LINGO2: variants seen among roughly 807,000 people sequenced by gnomAD.
The protein encoded by LINGO2 is leucine-rich repeat and immunoglobulin-like domain-containing nogo receptor-interacting protein 2.
A neutral mutation model predicts 30.6 loss-of-function variants in LINGO2; 14 were observed. That is an observed-to-expected ratio of 0.46 (90% CI 0.30 to 0.72). LINGO2 has a LOEUF of 0.72. LINGO2 is among the 30% of genes least tolerant of loss of function. The pLI is 0.07. For synonymous variants in LINGO2, 317 were observed against 288.5 expected (o/e 1.10, Z -1.00); for missense variants, 729 against 751.7 (o/e 0.97, Z 0.35).
At chr9:29,049,992 T>G in the LINGO2 span, among the ~76,000 whole-genome samples, 1 of 152,262 alleles carries the variant, frequency 6.6e-6, no homozygotes, top group South Asian at 2.1e-4. Flanking sequence ...CTTTAGATGA[T>G]GGATATACCT....
At chr9:28,613,838 G>C (rs571777207) in intron 1 of LINGO2, among the ~76,000 whole-genome samples, 1 of 152,170 alleles carries the variant, frequency 6.6e-6, no homozygotes, top group African/African-American at 2.4e-5. Flanking sequence ...TTATGGATGA[G>C]TGCAGCAGTG....
chr9:28,717,577 TAC>T, the LINGO2 span, among the ~76,000 whole-genome samples: 3 of 152,068 alleles, frequency 2.0e-5, no homozygotes, highest in African/African-American at 7.2e-5. Context: ...AGAGCAAATG[TAC>T]ACAGAGTCAT....
At chr9:29,048,940 G>C in the LINGO2 span, among the ~76,000 whole-genome samples, 4 of 152,210 alleles carry the variant, frequency 2.6e-5, no homozygotes, top group East Asian at 7.7e-4. Context: ...GTAAGCACGG[G>C]CAACCAAAGC....
At chr9:28,652,168 C>T (rs1828132384) in intron 1 of LINGO2, among the ~76,000 whole-genome samples, 2 of 152,066 alleles carry the variant, frequency 1.3e-5, no homozygotes, top group Admixed American at 1.3e-4. Flanking sequence ...CCTTTTCTCA[C>T]TTCTCCCTCC....
chr9:28,047,320 C>A (rs557667868), intron 4 of LINGO2, among the ~76,000 whole-genome samples: 1 of 152,244 alleles, frequency 6.6e-6, no homozygotes, highest in South Asian at 2.1e-4. Context: ...GCAGGGAGTT[C>A]TCCCAGCAGC....
chr9:28,550,452 T>C (rs1175699872), intron 1 of LINGO2, among the ~76,000 whole-genome samples: 2 of 151,852 alleles, frequency 1.3e-5, no homozygotes, highest in Non-Finnish European at 2.9e-5. Flanking sequence ...ATTAGTTCTA[T>C]ATAATTATTT....
At chr9:28,199,728 A>AT (rs932368719) in intron 4 of LINGO2, among the ~76,000 whole-genome samples, 1 of 152,122 alleles carries the variant, frequency 6.6e-6, no homozygotes, top group Non-Finnish European at 1.5e-5. Flanking sequence ...CTGAATTAAC[A>AT]TTTTTTCACA....
intron 4 of LINGO2, among the ~76,000 whole-genome samples, chr9:28,233,061 T>TATATATATATAAAA (rs60875467): frequency 4.2e-5 from 5 of 118,818 alleles, no homozygotes; most frequent in African/African-American, 1.4e-4. Context: ...TATATATATA[T>TATATATATATAAAA]TAGATATATA....
intron 3 of LINGO2, among the ~76,000 whole-genome samples, chr9:28,314,926 A>G (rs1824781090): frequency 6.6e-6 from 1 of 150,416 alleles, no homozygotes; most frequent in Admixed American, 6.7e-5. Context: ...CGGAGCTTGC[A>G]GTGAGCCGAG....
At chr9:28,223,234 A>T (rs1362070851) in intron 4 of LINGO2, among the ~76,000 whole-genome samples, 3 of 152,212 alleles carry the variant, frequency 2.0e-5, no homozygotes, top group Non-Finnish European at 4.4e-5. Flanking sequence ...GAGGCTGAGA[A>T]GTCCAAGATC....
intron 4 of LINGO2, among the ~76,000 whole-genome samples, chr9:28,152,352 A>G (rs1356507802): frequency 6.6e-6 from 1 of 152,064 alleles, no homozygotes; most frequent in Non-Finnish European, 1.5e-5. Flanking sequence ...CTCTGCACAC[A>G]TTGGCTCCTC....
chr9:29,041,702 T>C, the LINGO2 span, among the ~76,000 whole-genome samples: 13 of 152,120 alleles, frequency 8.5e-5, no homozygotes, highest in African/African-American at 2.4e-5. Flanking sequence ...TATACATGTT[T>C]TAGCAAAAAC....
intron 4 of LINGO2, among the ~76,000 whole-genome samples, chr9:28,156,095 T>A (rs950026842): frequency 2.0e-5 from 3 of 152,232 alleles, no homozygotes; most frequent in African/African-American, 7.2e-5. Flanking sequence ...ATAGAAAAGA[T>A]CATTATTGAG....
At chr9:28,023,317 T>C (rs2119391050) in intron 4 of LINGO2, among the ~76,000 whole-genome samples, 1 of 152,302 alleles carries the variant, frequency 6.6e-6, no homozygotes, top group East Asian at 1.9e-4. Context: ...TGGCTAGAAG[T>C]TGAACTGTGT....
chr9:28,190,351 A>G (rs1357354668), intron 4 of LINGO2, among the ~76,000 whole-genome samples: 2 of 152,176 alleles, frequency 1.3e-5, no homozygotes, highest in Non-Finnish European at 2.9e-5. Flanking sequence ...ATACTGCATC[A>G]AAAGAAGTCA....
chr9:28,537,811 T>C (rs1237061768), intron 1 of LINGO2, among the ~76,000 whole-genome samples: 2 of 151,446 alleles, frequency 1.3e-5, no homozygotes, highest in African/African-American at 4.9e-5. Context: ...GAATGAAAAT[T>C]ACCCATAATT....
intron 4 of LINGO2, among the ~76,000 whole-genome samples, chr9:28,184,215 C>G (rs1036388061): frequency 2.0e-5 from 3 of 152,048 alleles, no homozygotes; most frequent in Admixed American, 2.0e-4. Flanking sequence ...AAATAAAAGT[C>G]CAACAATGCT....
the LINGO2 span, among the ~76,000 whole-genome samples, chr9:29,093,674 G>A: frequency 1.5e-5 from 2 of 136,472 alleles, 1 homozygote; most frequent in East Asian, 5.0e-4. Context: ...AATAGAAACT[G>A]TAGTTGTTTT....
intron 4 of LINGO2, among the ~76,000 whole-genome samples, chr9:28,283,723 C>T (rs1042944509): frequency 1.1e-4 from 17 of 152,066 alleles, no homozygotes; most frequent in African/African-American, 3.9e-4. Flanking sequence ...ACCATGTCTA[C>T]ATTTCAGAGT....
Sources: allele counts gnomAD v4.1 joint callset (sites outside exome capture counted in the v4.1 genomes callset), GRCh38; gene constraint gnomAD v4.1.1; transcripts MANE v1.5; gene names NCBI Gene and HGNC (gene_info 2026-07-23, HGNC 2026-07-21).